Variants in ANO4 observed in about 807,000 individuals in gnomAD.
ANO4 encodes the protein anoctamin-4.
In ANO4, 69 loss-of-function variants were observed where a neutral mutation model predicts 141.9. The ratio of observed to expected loss-of-function variants is 0.49; its 90% CI spans 0.40 to 0.59. The LOEUF (loss-of-function observed/expected upper bound fraction) is 0.59. Among genes scored for constraint, ANO4 ranks in the 20% least tolerant of loss-of-function variants. ANO4 has a pLI of 0.00. For synonymous variants in ANO4, 350 were observed against 394.3 expected, an observed-to-expected ratio of 0.89 and a Z score of 1.33; for missense variants, 894 against 1,162.2, an observed-to-expected ratio of 0.77 and a Z score of 3.36.
At chr12:100,750,512 T>C (rs1250366993) in intron 3 of ANO4, among the ~76,000 whole-genome samples, 2 of 152,048 alleles carry the variant, frequency 1.3e-5, no homozygotes, top group Non-Finnish European at 2.9e-5. Context: ...TGGGATTCAG[T>C]ACAAGACACA....
In ANO4 at chr12:101,081,915, C is replaced by A. The variant is rs144954317; in HGVS notation, c.1396-1763C>A. On this transcript the variant is annotated intron_variant, in intron 15 of 27. Coordinates refer to ENST00000392977, the MANE Select transcript of ANO4 (RefSeq NM_001286615.2). ...CAGTCATATTGGAGTAGGGTCCACCCTAATGACCTCATTTGAACTTAATTA... is the reference window on the plus strand; with the variant it reads ...CAGTCATATTGGAGTAGGGTCCACCATAATGACCTCATTTGAACTTAATTA... 1.9e-3 allele frequency among the ~76,000 whole-genome samples: 287 copies of A among 152,260 alleles called. 3 individuals are homozygous for A. The highest frequency in any genetic ancestry group is 6.4e-3 in the African/African-American group (266 of 41,554).
intron 1 of ANO4, among the ~76,000 whole-genome samples, chr12:100,806,837 G>T (rs1008974547): frequency 6.6e-6 from 1 of 151,832 alleles, no homozygotes; most frequent in South Asian, 2.1e-4. Context: ...CCACTGCGCT[G>T]TCCAGGAGCT....
At chr12:101,056,048 C>T (rs553649761) in intron 14 of ANO4, among the ~76,000 whole-genome samples, 1 of 152,172 alleles carries the variant, frequency 6.6e-6, no homozygotes, top group East Asian at 1.9e-4. Context: ...AATCCACTGT[C>T]TTGATTATTA....
chr12:100,806,110 G>T (rs959051725), intron 1 of ANO4, among the ~76,000 whole-genome samples: 2 of 152,210 alleles, frequency 1.3e-5, no homozygotes, highest in African/African-American at 4.8e-5. Flanking sequence ...GAATAGCCAG[G>T]AGAGTGTGAT....
At position 100,918,367 on chromosome 12, in the gene ANO4, G is replaced by T. The variant is rs140125658; in HGVS notation, c.56-3859G>T. ...TTCTTATTGTGAAAAACATAAAAAA[G>T]ATAAAGTATAAAACAAAATCTACCC... is the stretch of plus-strand genomic sequence containing the variant. On this transcript the variant is annotated intron_variant, in intron 2 of 27. Transcript: ENST00000392977. 1.7e-3 allele frequency among the ~76,000 whole-genome samples: 263 copies of T among 152,248 alleles called. 3 individuals are homozygous for T. Among genetic ancestry groups the T allele is most frequent in the African/African-American group, 6.1e-3 (254 of 41,546 alleles).
At chr12:100,821,960 C>T (rs904901919) in intron 1 of ANO4, among the ~76,000 whole-genome samples, 1 of 151,862 alleles carries the variant, frequency 6.6e-6, no homozygotes, top group African/African-American at 2.4e-5. Context: ...TGAAAGTGCT[C>T]ATTTCCTCCA....
At chr12:100,942,211 C>A (rs1191024075) in intron 4 of ANO4, among the ~76,000 whole-genome samples, 166 bp from the exon 5 acceptor site, 1 of 152,094 alleles carries the variant, frequency 6.6e-6, no homozygotes, top group African/African-American at 2.4e-5. Context: ...GAACTCCTGA[C>A]CTCGTGATCC....
At chr12:101,069,016 G>A (rs1236420996) in intron 14 of ANO4, 1 of 797,832 alleles carries the variant, frequency 1.3e-6, no homozygotes, top group South Asian at 1.3e-5. Flanking sequence ...CCAGTTTAAA[G>A]AGCAAAGATG....
At chr12:100,883,869 A>G (rs1045734337) in intron 1 of ANO4, among the ~76,000 whole-genome samples, 1 of 152,220 alleles carries the variant, frequency 6.6e-6, no homozygotes. Context: ...TAGGGGGTAA[A>G]TTATTTTAAA....
chr12:100,859,840 T>C (rs1301784771), intron 1 of ANO4, among the ~76,000 whole-genome samples: 3 of 152,146 alleles, frequency 2.0e-5, no homozygotes, highest in Non-Finnish European at 4.4e-5. Flanking sequence ...GAAAACTGCC[T>C]GGCACATGAG....
chr12:100,961,468 G>A (rs1486934381), intron 5 of ANO4, among the ~76,000 whole-genome samples: 2 of 152,174 alleles, frequency 1.3e-5, no homozygotes, highest in Non-Finnish European at 2.9e-5. Context: ...TGACCCATCA[G>A]CATGAACCAC....
intron 2 of ANO4, among the ~76,000 whole-genome samples, chr12:100,735,859 G>A (rs985546352): frequency 6.6e-6 from 1 of 152,156 alleles, no homozygotes; most frequent in Non-Finnish European, 1.5e-5. Context: ...GAAATATGGA[G>A]AACATGTTCA....
Position 100,901,696 on chromosome 12 carries a change from C to T in ANO4, c.-90C>T, listed in dbSNP as rs2040598859. ...TGAAAAGCGTTTGCAAATCCATCAA[C>T]GGCGAAGTGTGGCAAGCCGCCCAGC... On this transcript the variant is annotated 5_prime_UTR_variant, in exon 2 of 28. In the 5' UTR this introduces an upstream ATG that the reference lacks. Transcript: ENST00000392977. 6 of 1,143,828 alleles carry T rather than the reference C, an allele frequency of 5.2e-6. No individual in the cohort carries two copies. The highest frequency in any genetic ancestry group is 6.7e-6 in the Non-Finnish European group (5 of 751,528). The allele number at this position is 1,143,828 out of a possible 1,614,324, so 70.9% of individuals were successfully genotyped here. A position where few individuals can be genotyped will look rare whatever the true frequency, so the allele number is the denominator to read the frequency against.
chr12:100,865,170 T>C (rs1729687663), intron 1 of ANO4, among the ~76,000 whole-genome samples: 1 of 152,210 alleles, frequency 6.6e-6, no homozygotes, highest in South Asian at 2.1e-4. Context: ...CTGGGTCAAA[T>C]GGTATTTCTG....
intron 17 of ANO4, among the ~76,000 whole-genome samples, chr12:101,087,895 C>T (rs2049571414): frequency 6.6e-6 from 1 of 152,188 alleles, no homozygotes; most frequent in African/African-American, 2.4e-5. Context: ...TCCAAGTCTG[C>T]AGTGTCTCTT....
At chr12:100,988,883 AAAAAAG>A (rs915711136) in intron 8 of ANO4, among the ~76,000 whole-genome samples, 2 of 125,232 alleles carry the variant, frequency 1.6e-5, no homozygotes, top group African/African-American at 5.4e-5. Flanking sequence ...AAAAAAAAAA[AAAAAAG>A]AAAGAAAAAC....
chr12:100,832,231 G>C (rs1230152118), intron 1 of ANO4, among the ~76,000 whole-genome samples: 2 of 152,032 alleles, frequency 1.3e-5, no homozygotes, highest in African/African-American at 2.4e-5. Context: ...GACTTTTTAA[G>C]AATATTTATG....
intron 5 of ANO4, among the ~76,000 whole-genome samples, chr12:100,948,976 G>A (rs1322027108): frequency 3.9e-5 from 6 of 152,178 alleles, no homozygotes; most frequent in African/African-American, 1.4e-4. Context: ...ACCATATTGT[G>A]AGACAGCCTA....
chr12:100,961,295 G>T (rs1383193783), intron 5 of ANO4, among the ~76,000 whole-genome samples: 2 of 152,198 alleles, frequency 1.3e-5, no homozygotes, highest in Admixed American at 6.5e-5. Context: ...GAAGAAGGTT[G>T]TCTATATCAG....
Sources: allele counts gnomAD v4.1 joint callset (sites outside exome capture counted in the v4.1 genomes callset), GRCh38; gene constraint gnomAD v4.1.1; transcripts MANE v1.5; gene names NCBI Gene and HGNC (gene_info 2026-07-23, HGNC 2026-07-21).